CNTN5: variants seen among roughly 807,000 people sequenced by gnomAD.
The protein encoded by CNTN5 is contactin 5.
CNTN5 carries 77 observed loss-of-function variants against 129.1 expected under a neutral mutation model. The observed-to-expected ratio is 0.60, with a 90% CI of 0.50 to 0.72. The LOEUF is 0.72. Among genes scored for constraint, CNTN5 ranks in the 30% least tolerant of loss-of-function variants. CNTN5 has a pLI of 0.00. For missense variants in CNTN5, 1,478 were observed against 1,328.8 expected (o/e 1.11, Z -1.75); for synonymous variants, 509 against 465.6 (o/e 1.09, Z -1.20).
chr11:99,313,593 T>A (rs1438272382), intron 1 of CNTN5, among the ~76,000 whole-genome samples: 7 of 152,070 alleles, frequency 4.6e-5, no homozygotes, highest in African/African-American at 1.7e-4. Flanking sequence ...ACAGGAAAGA[T>A]GCTCTGTATA....
At chr11:99,095,972 T>C (rs959481143) in intron 1 of CNTN5, among the ~76,000 whole-genome samples, 4 of 151,960 alleles carry the variant, frequency 2.6e-5, no homozygotes, top group African/African-American at 9.7e-5. Context: ...AAATATGATA[T>C]AATGTGATAT....
intron 1 of CNTN5, among the ~76,000 whole-genome samples, chr11:99,232,415 T>A (rs533464062): frequency 6.6e-6 from 1 of 152,304 alleles, no homozygotes; most frequent in African/African-American, 2.4e-5. Context: ...TTGCAGTAAT[T>A]GTGAATTGGA....
chr11:100,304,467 G>A (rs886318620), intron 20 of CNTN5, among the ~76,000 whole-genome samples: 6 of 151,574 alleles, frequency 4.0e-5, no homozygotes, highest in Non-Finnish European at 7.4e-5. Flanking sequence ...TGCAGCTATG[G>A]TTCAAAATTA....
intron 3 of CNTN5, among the ~76,000 whole-genome samples, chr11:99,737,208 C>G (rs1943740766): frequency 6.6e-6 from 1 of 151,956 alleles, no homozygotes; most frequent in Non-Finnish European, 1.5e-5. Flanking sequence ...AAGTCCAACT[C>G]AAGTTGTGCT....
At chr11:99,968,741 A>G (rs949017419) in intron 8 of CNTN5, among the ~76,000 whole-genome samples, 10 of 130,938 alleles carry the variant, frequency 7.6e-5, no homozygotes, top group Non-Finnish European at 1.4e-4. Flanking sequence ...TCCTAAATCC[A>G]GGAGACTTTT....
intron 1 of CNTN5, among the ~76,000 whole-genome samples, chr11:99,092,773 G>T (rs1378148688): frequency 6.6e-6 from 1 of 151,978 alleles, no homozygotes; most frequent in Non-Finnish European, 1.5e-5. Context: ...TTATAGATGT[G>T]TGTTTGTATT....
At chr11:99,559,545 A>T (rs1948773534) in intron 3 of CNTN5, among the ~76,000 whole-genome samples, 1 of 152,202 alleles carries the variant, frequency 6.6e-6, no homozygotes, top group Non-Finnish European at 1.5e-5. Flanking sequence ...ATAAAAATTA[A>T]TAAAAACAAT....
chr11:99,774,815 C>G (rs1945068517), intron 3 of CNTN5, among the ~76,000 whole-genome samples: 1 of 152,008 alleles, frequency 6.6e-6, no homozygotes. Context: ...TAAATCCGCT[C>G]TCCAGTTTTG....
In CNTN5 at chr11:99,629,530, T is replaced by A. The variant is rs1951258855; in HGVS notation, c.55+73261T>A. On this transcript the variant is annotated intron_variant, in intron 3 of 24. Transcript: ENST00000524871. ...CCTAGTCTATACAGTTAAATAAGTA[T>A]TAGCATATTAAGGGGATAAGATAAA... 2.6e-5 allele frequency among the ~76,000 whole-genome samples: 4 copies of A among 152,092 alleles called. No homozygotes were observed. In the South Asian group the frequency reaches 8.3e-4, roughly 31 times the overall value.
intron 21 of CNTN5, chr11:100,309,749 A>G (rs1951432722): frequency 1.0e-6 from 1 of 975,678 alleles, no homozygotes. Context: ...CGTAGAAGAC[A>G]CTGTGGTGGT....
chr11:99,991,667 G>A (rs12804708), intron 8 of CNTN5, among the ~76,000 whole-genome samples: 57,497 of 151,788 alleles, frequency 0.38, 12,308 homozygotes, highest in African/African-American at 0.59. Flanking sequence ...ACTTAATTCT[G>A]TCTTAATTGG....
chr11:99,476,954 G>T (rs1945394273), intron 2 of CNTN5, among the ~76,000 whole-genome samples: 2 of 151,780 alleles, frequency 1.3e-5, no homozygotes, highest in Non-Finnish European at 2.9e-5. Flanking sequence ...CCCTATGCTT[G>T]TGTTTACCTT....
At chr11:99,826,251 C>T (rs1437334080) in intron 4 of CNTN5, among the ~76,000 whole-genome samples, 1 of 151,884 alleles carries the variant, frequency 6.6e-6, no homozygotes, top group Non-Finnish European at 1.5e-5. Flanking sequence ...CTTATAATGT[C>T]TTTAAAATGT....
intron 3 of CNTN5, among the ~76,000 whole-genome samples, chr11:99,713,522 T>G (rs1405123280): frequency 6.6e-6 from 1 of 151,984 alleles, no homozygotes; most frequent in Non-Finnish European, 1.5e-5. Context: ...AGCCAGAATT[T>G]CCTTAAGCCC....
At chr11:99,819,811 A>G (rs555454868) in intron 4 of CNTN5, 46 bp downstream of exon 4, 2 of 1,218,082 alleles carry the variant, frequency 1.6e-6, no homozygotes, top group Admixed American at 2.0e-5. Flanking sequence ...AAGGAGGCAA[A>G]GAAGACTTAT....
intron 7 of CNTN5, among the ~76,000 whole-genome samples, chr11:99,922,700 C>A (rs1949968595): frequency 6.6e-6 from 1 of 152,136 alleles, no homozygotes; most frequent in Non-Finnish European, 1.5e-5. Flanking sequence ...TGTCAGGAGT[C>A]AAATTTTATT....
chr11:100,088,786 C>T (rs1944648723), intron 13 of CNTN5, among the ~76,000 whole-genome samples: 1 of 152,048 alleles, frequency 6.6e-6, no homozygotes, highest in South Asian at 2.1e-4. Flanking sequence ...GATTAGTTCA[C>T]TGACAAATTC....
chr11:100,038,280 G>A (rs1339865036), intron 9 of CNTN5, among the ~76,000 whole-genome samples: 2 of 152,116 alleles, frequency 1.3e-5, no homozygotes, highest in Admixed American at 6.5e-5. Flanking sequence ...GAGCGGTTTT[G>A]AGTGAGTTTC....
intron 1 of CNTN5, among the ~76,000 whole-genome samples, chr11:99,285,939 G>A (rs563085457): frequency 4.0e-5 from 6 of 149,752 alleles, no homozygotes; most frequent in Non-Finnish European, 8.9e-5. Context: ...TTGAGAGGCT[G>A]AGACAGGAGA....
Sources: allele counts gnomAD v4.1 joint callset (sites outside exome capture counted in the v4.1 genomes callset), GRCh38; gene constraint gnomAD v4.1.1; transcripts MANE v1.5; gene names NCBI Gene and HGNC (gene_info 2026-07-23, HGNC 2026-07-21).